Variants in USP32 observed in about 807,000 individuals in gnomAD.
The protein encoded by USP32 is ubiquitin specific peptidase 32.
A neutral mutation model predicts 204.8 loss-of-function variants in USP32; 59 were observed. That is an observed-to-expected ratio of 0.29 (90% CI 0.23 to 0.36). The LOEUF is 0.36. Ranked by LOEUF, USP32 falls within the 10% of genes least tolerant of loss-of-function variation. USP32 has a pLI of 1.00. For synonymous variants in USP32, 517 were observed against 678.4 expected (o/e 0.76, Z 3.70); for missense variants, 1,160 against 1,946.4 (o/e 0.60, Z 7.60).
intron 7 of USP32, among the ~76,000 whole-genome samples, chr17:60,268,920 G>A (rs926391688): frequency 2.6e-5 from 4 of 152,082 alleles, no homozygotes; most frequent in Admixed American, 1.3e-4. Context: ...GTAAATGCCT[G>A]CATTTTTACA....
At chr17:60,378,647 TAAACCTTGA>T (rs2089594323) in intron 1 of USP32, among the ~76,000 whole-genome samples, 2 of 152,176 alleles carry the variant, frequency 1.3e-5, no homozygotes, top group Non-Finnish European at 2.9e-5. Context: ...ACAACATGGA[TAAACCTTGA>T]AAACATTATC....
At chr17:60,301,773 T>G in intron 2 of USP32, 69 bp from the exon 3 acceptor site, 1 of 1,128,414 alleles carries the variant, frequency 8.9e-7, no homozygotes. Context: ...GCAGCTATCA[T>G]CTTTAACAAA....
chr17:60,266,165 C>T (rs568931764), intron 7 of USP32, 74 bp from the exon 8 acceptor site: 2 of 1,187,050 alleles, frequency 1.7e-6, no homozygotes, highest in South Asian at 2.6e-5. Flanking sequence ...CTAGAAGTTG[C>T]CCTTGTATAA....
chr17:60,401,327 G>A (rs985209277), intron 1 of USP32, among the ~76,000 whole-genome samples: 6 of 152,084 alleles, frequency 3.9e-5, no homozygotes, highest in African/African-American at 1.2e-4. Flanking sequence ...CCGAGATCGC[G>A]CCACTGCACT....
In USP32 at chr17:60,363,540, G is replaced by A. The variant is rs537977791; in HGVS notation, c.59-17932C>T. ...CTCAAAAAAAAAAAAATTTGAGACA[G>A]GGTCTCACTCTGTCGCCAAGGCTGG... is the stretch of plus-strand genomic sequence containing the variant. On this transcript the variant is annotated intron_variant, in intron 1 of 33. Transcript: ENST00000300896. 2.6e-5 allele frequency among the ~76,000 whole-genome samples: 4 copies of A among 151,020 alleles called. No individual in the cohort carries two copies. In the East Asian group the frequency reaches 7.9e-4, roughly 30 times the overall value.
intron 1 of USP32, 39 bp downstream of exon 1, chr17:60,391,843 G>C (rs772814237): frequency 6.3e-7 from 1 of 1,591,454 alleles, no homozygotes; most frequent in Non-Finnish European, 8.6e-7. Flanking sequence ...GCCCGTCGCG[G>C]GCCTCCCAGG....
intron 1 of USP32, among the ~76,000 whole-genome samples, chr17:60,355,751 A>G (rs11654603): frequency 6.6e-6 from 1 of 150,596 alleles, no homozygotes; most frequent in East Asian, 1.9e-4. Flanking sequence ...TGGGAGGATC[A>G]CTAGCGCCTG....
chr17:60,396,524 G>T (rs1403874856), upstream of USP32, among the ~76,000 whole-genome samples: 7 of 152,138 alleles, frequency 4.6e-5, no homozygotes, highest in Admixed American at 3.9e-4. Flanking sequence ...CCTCTCTGTT[G>T]ATCATTCTTT....
chr17:60,397,885 GGAGT>G (rs1293041847), intron 1 of USP32, among the ~76,000 whole-genome samples: 2 of 152,046 alleles, frequency 1.3e-5, no homozygotes, highest in African/African-American at 4.8e-5. Flanking sequence ...TTTTACAGTG[GGAGT>G]GAGGATGGGG....
chr17:60,205,061 G>C (rs1038268348), intron 26 of USP32, among the ~76,000 whole-genome samples: 2 of 151,600 alleles, frequency 1.3e-5, no homozygotes, highest in Non-Finnish European at 2.9e-5. Flanking sequence ...CCAAAGTGTT[G>C]GGATTACAGG....
chr17:60,329,521 C>A (rs1365559833), intron 2 of USP32, among the ~76,000 whole-genome samples: 3 of 151,514 alleles, frequency 2.0e-5, no homozygotes, highest in African/African-American at 4.9e-5. Flanking sequence ...GTTGCCCAGG[C>A]TGGCCTTGAA....
At chr17:60,403,822 T>C (rs1343120098) in intron 1 of USP32, among the ~76,000 whole-genome samples, 1 of 152,094 alleles carries the variant, frequency 6.6e-6, no homozygotes, top group Non-Finnish European at 1.5e-5. Context: ...GGAGTATTGA[T>C]TGAGCCCAGG....
At chr17:60,415,693 T>G (rs1042545510) in intron 1 of USP32, among the ~76,000 whole-genome samples, 6 of 152,178 alleles carry the variant, frequency 3.9e-5, no homozygotes, top group African/African-American at 1.4e-4. Context: ...TGGCATGCTC[T>G]TCAGACCCAG....
intron 14 of USP32, 75 bp from the exon 15 acceptor site, chr17:60,222,624 A>G: frequency 1.4e-6 from 2 of 1,437,710 alleles, no homozygotes; most frequent in Non-Finnish European, 1.9e-6. Context: ...ACCTAGAAAC[A>G]GGAAAACAAA....
At chr17:60,359,764 T>C (rs2089162071) in intron 1 of USP32, among the ~76,000 whole-genome samples, 1 of 152,144 alleles carries the variant, frequency 6.6e-6, no homozygotes, top group African/African-American at 2.4e-5. Context: ...TGACCTATGA[T>C]TGAACCACTA....
intron 1 of USP32, among the ~76,000 whole-genome samples, chr17:60,413,397 T>A (rs2090033817): frequency 1.3e-5 from 2 of 151,990 alleles, no homozygotes; most frequent in African/African-American, 4.8e-5. Flanking sequence ...GGCTTACAGG[T>A]AAGGGTTTTT....
intron 2 of USP32, among the ~76,000 whole-genome samples, chr17:60,308,035 C>T (rs564630071): frequency 6.6e-6 from 1 of 152,084 alleles, no homozygotes; most frequent in Non-Finnish European, 1.5e-5. Flanking sequence ...CTGAGAGGCC[C>T]GACTCCAGGG....
chr17:60,307,293 G>T (rs1483500826), intron 2 of USP32, among the ~76,000 whole-genome samples: 2 of 151,934 alleles, frequency 1.3e-5, no homozygotes, highest in Non-Finnish European at 2.9e-5. Flanking sequence ...TAGAGATGGG[G>T]TTTCACTATG....
rs2085536128 is a variant in USP32, at chr17:60,231,112, A to G, written c.1240-4881T>C. Among the ~76,000 whole-genome samples the G allele has an allele frequency of 2.0e-5, 3 of 152,338 alleles. No homozygotes were observed. In the South Asian group the frequency reaches 6.2e-4, roughly 32 times the overall value. ...AAAAGGACTAGGTACTTATTTTAAT[A>G]TAAGAGAATTTTATTTTGAGATTTT... On this transcript the variant is annotated intron_variant, in intron 12 of 33. Coordinates refer to ENST00000300896, the MANE Select transcript of USP32 (RefSeq NM_032582.4).
Sources: gnomAD v4.1 joint callset for allele counts (sites outside exome capture counted in the v4.1 genomes callset) on GRCh38, gnomAD v4.1.1 for gene constraint, MANE v1.5 for transcripts, NCBI Gene and HGNC (gene_info 2026-07-23, HGNC 2026-07-21) for gene names.